Variants in MRPL42 observed in about 807,000 individuals in gnomAD.
MRPL42 encodes mitochondrial ribosomal protein L42, also known as large ribosomal subunit protein mL42.
A neutral mutation model predicts 17.9 loss-of-function variants in MRPL42; 17 were observed. The ratio of observed to expected loss-of-function variants is 0.95; its 90% CI spans 0.65 to 1.42. MRPL42 has a LOEUF of 1.42. MRPL42 is among the 40% of genes most tolerant of loss of function. The pLI, the probability that MRPL42 is intolerant of heterozygous loss-of-function variation, is 0.00. For missense variants in MRPL42, 177 were observed against 175.2 expected (o/e 1.01, Z -0.06); for synonymous variants, 59 against 54.4 (o/e 1.08, Z -0.37).
At chr12:93,486,008 G>C (rs368928241) in intron 4 of MRPL42, among the ~76,000 whole-genome samples, 1 of 147,302 alleles carries the variant, frequency 6.8e-6, no homozygotes, top group African/African-American at 2.7e-5. Context: ...GTAGAGATGA[G>C]GTTTTTAAAT....
chr12:93,506,260 CTTTTTTTT>C lies in MRPL42; in HGVS notation c.*5054_*5061del, dbSNP rs58440444. 2 of 87,858 alleles carry C rather than the reference CTTTTTTTT, an allele frequency of 2.3e-5. No homozygotes were observed. The highest frequency in any genetic ancestry group is 4.0e-5 in the Non-Finnish European group (2 of 49,744). The allele number at this position is 87,858 out of a possible 1,614,324, so 5.4% of individuals were successfully genotyped here. On this transcript the variant is annotated 3_prime_UTR_variant, in exon 6 of 6. Transcript: ENST00000549982. ...AGTCTTCAATTCAGCAAGAATGTCT[CTTTTTTTT>C]TTTTTTTTTTTTTTGGGACAGAGTC...
At chr12:93,488,859 C>CT (rs939714923) in intron 5 of MRPL42, among the ~76,000 whole-genome samples, 158 of 142,344 alleles carry the variant, frequency 1.1e-3, no homozygotes, top group Middle Eastern at 3.6e-3. Context: ...ACTTTTTTTT[C>CT]TTTTTTTTTT....
Position 93,491,075 on chromosome 12 carries a change from G to C in MRPL42, c.383+3415G>C, listed in dbSNP as rs140696037. On this transcript the variant is annotated intron_variant, in intron 5 of 5. Coordinates refer to ENST00000549982, the MANE Select transcript of MRPL42 (RefSeq NM_014050.4). The stretch of plus-strand genomic sequence containing the variant: ...CTGGCTGTTTTTTGTATTTTTAGTA[G>C]AGACGGGGTTTCACCATGTTGGCCA... Among the ~76,000 whole-genome samples, 551 of 152,018 alleles carry C rather than the reference G, an allele frequency of 3.6e-3. 2 individuals are homozygous for C. The highest frequency in any genetic ancestry group is 5.0e-3 in the Non-Finnish European group (338 of 67,962).
At position 93,487,663 on chromosome 12, in the gene MRPL42, A is replaced by G. The variant is rs754076699; in HGVS notation, c.383+3A>G. The G allele has an allele frequency of 6.3e-7, 1 of 1,596,876 alleles. No individual in the cohort carries two copies. The highest frequency in any genetic ancestry group is 1.8e-5 in the Admixed American group (1 of 56,310). Reference sequence around the variant, plus strand: ...CACCGTTGGTATCCTCATGGACGGTAAGTTTTCTTTTCTTTTCTTCAATCC... The same window carrying G: ...CACCGTTGGTATCCTCATGGACGGTGAGTTTTCTTTTCTTTTCTTCAATCC... On this transcript the variant is annotated splice_donor_region_variant and intron_variant, in intron 5 of 5. Transcript: ENST00000549982.
Position 93,514,741 on chromosome 12 carries a change from TTTC to T in MRPL42, c.*13523_*13525del, listed in dbSNP as rs2121312030. 1 of 152,352 alleles carries T rather than the reference TTTC, an allele frequency of 6.6e-6. No individual in the cohort carries two copies. Among genetic ancestry groups the T allele is most frequent in the East Asian group, 1.9e-4 (1 of 5,190 alleles). 9.4% of individuals were successfully genotyped at this position (152,352 alleles called of 1,614,324 possible). A position where few individuals can be genotyped will look rare whatever the true frequency, so the allele number is the denominator to read the frequency against. On this transcript the variant is annotated 3_prime_UTR_variant, in exon 6 of 6. Transcript: ENST00000549982. Reference sequence around the variant, plus strand: ...TCTTATTTTTCTTTAAGCTTTATTTTTTCTTATTATCCATATGACATGTTTCCA... The same window carrying T: ...TCTTATTTTTCTTTAAGCTTTATTTTTTATTATCCATATGACATGTTTCCA...
intron 4 of MRPL42, among the ~76,000 whole-genome samples, chr12:93,483,094 C>T (rs186630725): frequency 2.6e-5 from 4 of 152,226 alleles, no homozygotes; most frequent in Admixed American, 6.5e-5. Context: ...GGGGTTTCGC[C>T]ATGTTGGCCA....
At chr12:93,486,480 G>T (rs1340165218) in intron 4 of MRPL42, among the ~76,000 whole-genome samples, 1 of 152,170 alleles carries the variant, frequency 6.6e-6, no homozygotes, top group Non-Finnish European at 1.5e-5. Context: ...GAGTAGCTGG[G>T]ATTACAGGTG....
At chr12:93,486,422 G>A (rs964898296) in intron 4 of MRPL42, among the ~76,000 whole-genome samples, 2 of 152,100 alleles carry the variant, frequency 1.3e-5, no homozygotes, top group Non-Finnish European at 2.9e-5. Flanking sequence ...TTGGCTCACT[G>A]CAACCTCTGC....
intron 5 of MRPL42, among the ~76,000 whole-genome samples, chr12:93,489,234 A>G (rs1314976391): frequency 6.6e-6 from 1 of 152,168 alleles, no homozygotes; most frequent in Non-Finnish European, 1.5e-5. Flanking sequence ...GAGTTAACCC[A>G]TGGAGAATGA....
At chr12:93,472,675 C>A (rs1473750988) in intron 2 of MRPL42, among the ~76,000 whole-genome samples, 1 of 152,154 alleles carries the variant, frequency 6.6e-6, no homozygotes, top group Non-Finnish European at 1.5e-5. Flanking sequence ...AAAGCGAAAT[C>A]ATGATTAAGG....
rs569776539 is a variant in MRPL42, at chr12:93,511,716, A to T, written c.*10495A>T. On this transcript the variant is annotated 3_prime_UTR_variant, in exon 6 of 6. Transcript: ENST00000549982. ...AGGAAGATTCTCTTTTTTCCACTTC[A>T]TTGCCAACAAACAGCTAACTCTAAA... 6.6e-6 allele frequency: 1 copy of T among 152,224 alleles called. No individual in the cohort carries two copies. Among genetic ancestry groups the T allele is most frequent in the Non-Finnish European group, 1.5e-5 (1 of 68,040 alleles). 9.4% of individuals were successfully genotyped at this position (152,224 alleles called of 1,614,324 possible). A position where few individuals can be genotyped will look rare whatever the true frequency, so the allele number is the denominator to read the frequency against.
In MRPL42 at chr12:93,479,406, G is replaced by T. The variant is rs755208246; in HGVS notation, c.153G>T (p.Leu51=). 1.2e-6 allele frequency: 2 copies of T among 1,609,780 alleles called. No homozygotes were observed. Among genetic ancestry groups the T allele is most frequent in the Non-Finnish European group, 1.7e-6 (2 of 1,178,120 alleles). Residue 51 remains leucine, a synonymous_variant, in exon 4 of 6, where the codon CTG becomes CTT. Coordinates refer to ENST00000549982, the MANE Select transcript of MRPL42 (RefSeq NM_014050.4). ...TTTTTAGCAACGTAGAGCTTGCTCT[G>T]ACTTCTGATGGCAGGACAATAGTAT... The part of the protein sequence containing the change: ...DDYNCNVELA[L]TSDGRTIVCY...
chr12:93,509,543 G>C lies in MRPL42; in HGVS notation c.*8322G>C, dbSNP rs1248874033. Reference sequence around the variant, plus strand: ...AGCTACTCAGGAGGCTAAGACAGGAGGATCACTTGAGTCCAGAAGTTCTGG... The same window carrying C: ...AGCTACTCAGGAGGCTAAGACAGGACGATCACTTGAGTCCAGAAGTTCTGG... On this transcript the variant is annotated 3_prime_UTR_variant, in exon 6 of 6. Transcript: ENST00000549982. 6.6e-6 allele frequency: 1 copy of C among 152,004 alleles called. No homozygotes were observed. Among genetic ancestry groups the C allele is most frequent in the East Asian group, 1.9e-4 (1 of 5,168 alleles). The allele number at this position is 152,004 out of a possible 1,614,324, so 9.4% of individuals were successfully genotyped here.
chr12:93,470,092 C>T (rs533404928), intron 2 of MRPL42, among the ~76,000 whole-genome samples: 1 of 151,848 alleles, frequency 6.6e-6, no homozygotes, highest in Non-Finnish European at 1.5e-5. Context: ...TTCACAGTCC[C>T]ATCTTCCAAA....
intron 5 of MRPL42, among the ~76,000 whole-genome samples, chr12:93,489,618 C>G (rs1222513809): frequency 6.6e-6 from 1 of 152,112 alleles, no homozygotes; most frequent in African/African-American, 2.4e-5. Context: ...ACTGCAACTT[C>G]CGCCTCCCAG....
At chr12:93,496,824 C>A (rs548329974) in intron 5 of MRPL42, among the ~76,000 whole-genome samples, 3 of 55,794 alleles carry the variant, frequency 5.4e-5, no homozygotes, top group Admixed American at 2.7e-4. Context: ...GGTTTGGGGG[C>A]GGGTGGGGAC....
chr12:93,475,566 T>G (rs1389813527), intron 2 of MRPL42, among the ~76,000 whole-genome samples: 1 of 152,240 alleles, frequency 6.6e-6, no homozygotes, highest in Non-Finnish European at 1.5e-5. Context: ...ACTTTGATTC[T>G]TGGCATTGAC....
chr12:93,495,584 G>A (rs919950060), intron 5 of MRPL42, among the ~76,000 whole-genome samples: 4 of 152,092 alleles, frequency 2.6e-5, no homozygotes, highest in Non-Finnish European at 4.4e-5. Context: ...TCTAATCAAC[G>A]ATACTTATTA....
At position 93,514,602 on chromosome 12, in the gene MRPL42, C is replaced by T. The variant is rs535314529; in HGVS notation, c.*13381C>T. On this transcript the variant is annotated 3_prime_UTR_variant, in exon 6 of 6. Coordinates refer to ENST00000549982, the MANE Select transcript of MRPL42 (RefSeq NM_014050.4). ...GGACAGTTTTAATGGAAAGTGTTTC[C>T]TTATATTGAGTGGAAATCAGTCTGC... 2.0e-5 allele frequency: 3 copies of T among 152,236 alleles called. No individual in the cohort carries two copies. The South Asian group carries it at 6.2e-4, about 32-fold the overall frequency. The allele number at this position is 152,236 out of a possible 1,614,324, so 9.4% of individuals were successfully genotyped here.
Sources: allele counts gnomAD v4.1 joint callset (sites outside exome capture counted in the v4.1 genomes callset), GRCh38; gene constraint gnomAD v4.1.1; transcripts MANE v1.5; gene names NCBI Gene and HGNC (gene_info 2026-07-23, HGNC 2026-07-21).